The following CACNB4 variants were observed in gnomAD, a reference collection of about 807,000 sequenced individuals.
CACNB4 encodes the protein calcium voltage-gated channel auxiliary subunit beta 4.
CACNB4 carries 32 observed loss-of-function variants against 71.2 expected under a neutral mutation model. The observed-to-expected ratio is 0.45, with a 90% confidence interval of 0.34 to 0.60. The LOEUF is 0.60. CACNB4 is among the 20% of genes least tolerant of loss of function. CACNB4 has a pLI of 0.01. For missense variants in CACNB4, 464 were observed against 647.9 expected (o/e 0.72, Z 3.08); for synonymous variants, 231 against 236.9 (o/e 0.97, Z 0.23).
chr2:152,087,684 C>T (rs1018939272), intron 2 of CACNB4, among the ~76,000 whole-genome samples: 2 of 151,896 alleles, frequency 1.3e-5, no homozygotes, highest in Admixed American at 1.3e-4. Context: ...AAGATTTGAG[C>T]CTTGGCAACA....
intron 2 of CACNB4, among the ~76,000 whole-genome samples, chr2:151,974,815 C>CA (rs35540920): frequency 0.11 from 15,478 of 137,194 alleles, 1,984 homozygotes; most frequent in African/African-American, 0.29. Flanking sequence ...TCTGGTCAAC[C>CA]AAAAAAAAAA....
chr2:151,904,098 C>T lies in CACNB4; in HGVS notation c.148-20728G>A, dbSNP rs577165104. Among the ~76,000 whole-genome samples the T allele has an allele frequency of 4.6e-5, 7 of 152,254 alleles. No homozygotes were observed. In the East Asian group the frequency reaches 7.7e-4, roughly 17 times the overall value. ...GAGTTGCGTTCAATAGAGAAAAAAA[C>T]GCTTGCCTCCAATTTTTCAAAACCA... is the stretch of plus-strand genomic sequence containing the variant. On this transcript the variant is annotated intron_variant, in intron 2 of 13. Transcript: ENST00000539935.
chr2:151,845,479 G>GC (rs34956224), intron 12 of CACNB4, among the ~76,000 whole-genome samples: 1 of 74,444 alleles, frequency 1.3e-5, no homozygotes, highest in African/African-American at 1.6e-4. Flanking sequence ...CTCAGTATCA[G>GC]GGAAAACAAT....
intron 2 of CACNB4, among the ~76,000 whole-genome samples, chr2:152,052,189 C>T (rs190011749): frequency 2.6e-5 from 4 of 152,336 alleles, no homozygotes; most frequent in Admixed American, 2.0e-4. Context: ...ATATGTTAGC[C>T]TACAGGTGGG....
rs1289952674 is a variant in CACNB4 at position 151,970,991 on chromosome 2, C to CAA, written c.148-87623_148-87622dup. On this transcript the variant is annotated intron_variant, in intron 2 of 13. Coordinates refer to ENST00000539935, the MANE Select transcript of CACNB4 (RefSeq NM_000726.5). ...TGGGCGACAGAGCGAGACTCCGTCT[C>CAA]AAAAAAAAAAAAAAAAAGAATCTAA... 7.5e-4 allele frequency: 86 copies of CAA among 113,976 alleles called. 3 individuals carry two copies. The highest frequency in any genetic ancestry group is 2.6e-3 in the African/African-American group (76 of 29,504). 7.1% of individuals were successfully genotyped at this position (113,976 alleles called of 1,614,324 possible). A position where few individuals can be genotyped will look rare whatever the true frequency, so the allele number is the denominator to read the frequency against.
intron 2 of CACNB4, among the ~76,000 whole-genome samples, chr2:151,915,436 C>T (rs575847382): frequency 1.3e-4 from 20 of 152,348 alleles, no homozygotes; most frequent in African/African-American, 4.8e-4. Flanking sequence ...GCTGCTGTCC[C>T]TCCCGCAAGG....
chr2:152,087,570 A>C (rs1687732370), intron 2 of CACNB4, among the ~76,000 whole-genome samples: 1 of 152,182 alleles, frequency 6.6e-6, no homozygotes. Context: ...ACACTGACTT[A>C]AGGAAAGGCA....
chr2:152,073,485 C>T (rs1269838012), intron 2 of CACNB4, among the ~76,000 whole-genome samples: 1 of 152,106 alleles, frequency 6.6e-6, no homozygotes, highest in African/African-American at 2.4e-5. Flanking sequence ...ATTTAGCCAC[C>T]ACCCCCAGAT....
chr2:151,924,850 G>A (rs902607837), intron 2 of CACNB4, among the ~76,000 whole-genome samples: 5 of 152,024 alleles, frequency 3.3e-5, no homozygotes, highest in Non-Finnish European at 5.9e-5. Context: ...ACACGGTTGA[G>A]GTGTGGTAAG....
At chr2:151,924,844 G>A (rs746378926) in intron 2 of CACNB4, among the ~76,000 whole-genome samples, 2 of 151,902 alleles carry the variant, frequency 1.3e-5, no homozygotes, top group Non-Finnish European at 2.9e-5. Context: ...TTTGTAACAC[G>A]GTTGAGGTGT....
chr2:152,065,579 G>C (rs1016421651), intron 2 of CACNB4, among the ~76,000 whole-genome samples: 1 of 152,182 alleles, frequency 6.6e-6, no homozygotes, highest in African/African-American at 2.4e-5. Context: ...ACTTCACACA[G>C]GACAAATTCA....
chr2:151,884,622 G>A (rs1346622297), intron 2 of CACNB4, among the ~76,000 whole-genome samples: 3 of 129,578 alleles, frequency 2.3e-5, no homozygotes, highest in South Asian at 5.4e-4. Context: ...GCGACACAGC[G>A]AGACTCCGTC....
At position 151,870,392 on chromosome 2, in the gene CACNB4, G is replaced by A. The variant is rs760272530; in HGVS notation, c.699+139C>T. The A allele has an allele frequency of 4.2e-5, 31 of 733,124 alleles. No homozygotes were observed. The Middle Eastern group carries it at 3.4e-3, about 80-fold the overall frequency. The allele number at this position is 733,124 out of a possible 1,614,324, so 45.4% of individuals were successfully genotyped here. The stretch of plus-strand genomic sequence containing the variant: ...GCAGAGGGCCTCATGAGCCCCACAC[G>A]GTACCCCCTGCCTTCCCATGCTGAG... On this transcript the variant is annotated intron_variant, in intron 8 of 13. Coordinates refer to ENST00000539935, the MANE Select transcript of CACNB4 (RefSeq NM_000726.5).
chr2:151,963,701 C>T (rs1455376077), intron 2 of CACNB4, among the ~76,000 whole-genome samples: 1 of 152,088 alleles, frequency 6.6e-6, no homozygotes, highest in Non-Finnish European at 1.5e-5. Flanking sequence ...ATGTGTTAAT[C>T]CTTTGATCCA....
rs1047058804 is a variant in CACNB4 at position 151,872,576 on chromosome 2, C to T, written c.522-83G>A. On this transcript the variant is annotated intron_variant, in intron 5 of 13. Coordinates refer to ENST00000539935, the MANE Select transcript of CACNB4 (RefSeq NM_000726.5). ...TGAGAGTACAAAGCTTTCTTTGGCC[C>T]TCATCCTATTAAATAATTCAAAACA... The T allele has an allele frequency of 1.7e-5, 13 of 748,554 alleles. No homozygotes were observed. The Admixed American group carries it at 2.4e-4, about 14-fold the overall frequency. The allele number at this position is 748,554 out of a possible 1,614,324, so 46.4% of individuals were successfully genotyped here.
rs550158082 is a variant in CACNB4 at position 151,960,406 on chromosome 2, G to A, written c.148-77036C>T. On this transcript the variant is annotated intron_variant, in intron 2 of 13. Transcript: ENST00000539935. Reference sequence around the variant, plus strand: ...CTGAGAACAGCCTGGCTTTGACCCTGCAGACACTGCTAAAAGCAAGGAGAA... The same window carrying A: ...CTGAGAACAGCCTGGCTTTGACCCTACAGACACTGCTAAAAGCAAGGAGAA... Among the ~76,000 whole-genome samples the A allele has an allele frequency of 4.6e-3, 707 of 152,226 alleles. 3 individuals carry two copies. The highest frequency in any genetic ancestry group is 8.3e-3 in the Non-Finnish European group (566 of 68,000).
intron 2 of CACNB4, among the ~76,000 whole-genome samples, chr2:152,051,198 C>T (rs1685411555): frequency 6.6e-6 from 1 of 152,122 alleles, no homozygotes; most frequent in Non-Finnish European, 1.5e-5. Flanking sequence ...TCCTTGACCG[C>T]CCCCCATCCC....
chr2:152,045,066 G>GA (rs911077317), intron 2 of CACNB4, among the ~76,000 whole-genome samples: 99 of 151,816 alleles, frequency 6.5e-4, no homozygotes, highest in African/African-American at 2.3e-3. Context: ...TTTCAAGCCA[G>GA]AAAAAAAATG....
Position 152,098,686 on chromosome 2 carries a change from G to T in CACNB4, c.63+263C>A. On this transcript the variant is annotated intron_variant, in intron 1 of 13. Coordinates refer to ENST00000539935, the MANE Select transcript of CACNB4 (RefSeq NM_000726.5). This position sits in a 1 kb window ranked among gnomAD's most constrained non-coding sequence, Gnocchi z 5.3. The stretch of plus-strand genomic sequence containing the variant: ...CTCAGGGTGCGGGGTCCGAGTCCCC[G>T]GCATCCGCTGGGGGAGGCTGCGGGC... 6.4e-7 allele frequency: 1 copy of T among 1,558,532 alleles called. No homozygotes were observed.
Sources: allele counts gnomAD v4.1 joint callset (sites outside exome capture counted in the v4.1 genomes callset), GRCh38; gene constraint gnomAD v4.1.1; non-coding constraint Gnocchi (gnomAD v3.1); transcripts MANE v1.5; gene names NCBI Gene and HGNC (gene_info 2026-07-23, HGNC 2026-07-21).